ABR: variants seen among roughly 807,000 people sequenced by gnomAD.
ABR encodes active breakpoint cluster region-related protein.
Under a neutral mutation model 107.2 loss-of-function variants are expected in ABR, and 35 were observed. The observed-to-expected ratio is 0.33, with a 90% CI of 0.25 to 0.43. ABR has a LOEUF of 0.43. Among genes scored for constraint, ABR ranks in the 20% least tolerant of loss-of-function variants. ABR has a pLI of 1.00. For synonymous variants in ABR, 498 were observed against 462.0 expected, an observed-to-expected ratio of 1.08 and a Z score of -1.00; for missense variants, 815 against 1,115.2, an observed-to-expected ratio of 0.73 and a Z score of 3.83.
At chr17:1,208,821 G>A (rs2150735798) in intron 1 of ABR, among the ~76,000 whole-genome samples, 1 of 151,178 alleles carries the variant, frequency 6.6e-6, no homozygotes, top group East Asian at 1.9e-4. Context: ...CCGGGAGGTG[G>A]AGCTTGCAGT....
intron 1 of ABR, among the ~76,000 whole-genome samples, chr17:1,225,884 C>T (rs1413789283): frequency 3.3e-5 from 5 of 152,216 alleles, no homozygotes; most frequent in Admixed American, 1.3e-4. Context: ...CAATGTCACA[C>T]AGGCAGTCTA....
At chr17:1,025,514 C>T (rs2072122939) in intron 16 of ABR, among the ~76,000 whole-genome samples, 2 of 152,182 alleles carry the variant, frequency 1.3e-5, no homozygotes, top group Non-Finnish European at 2.9e-5. Context: ...AACCGCAGGG[C>T]CCCACGTCGC....
chr17:1,012,113 G>T, intron 18 of ABR, 128 bp from the exon 19 acceptor site: 1 of 1,485,674 alleles, frequency 6.7e-7, no homozygotes, highest in Non-Finnish European at 9.2e-7. Flanking sequence ...GGCGGGGGCA[G>T]GGGCAGGGCA....
At chr17:1,219,167 C>T (rs111301995) in intron 1 of ABR, among the ~76,000 whole-genome samples, 7 of 151,942 alleles carry the variant, frequency 4.6e-5, no homozygotes, top group Admixed American at 3.9e-4. Flanking sequence ...CTCAGCCTCT[C>T]GAGTAGCTGG....
In ABR at chr17:1,210,318, C is replaced by G. The variant is rs2050740411; in HGVS notation, c.838+18475G>C. Among the ~76,000 whole-genome samples the G allele has an allele frequency of 6.6e-6, 1 of 152,254 alleles. No homozygotes were observed. Among genetic ancestry groups the G allele is most frequent in the African/African-American group, 2.4e-5 (1 of 41,466 alleles). On this transcript the variant is annotated intron_variant, in intron 1 of 22. Transcript: ENST00000574139. The surrounding 1 kb of genome is among the most constrained non-coding windows in gnomAD (Gnocchi z 5.6). ...CTGAGGTCAAGAGTTCAAGACCAGC[C>G]TGGCCAACATGGTGAAACCCCATCT...
intron 4 of ABR, among the ~76,000 whole-genome samples, chr17:1,090,328 G>T (rs951601413): frequency 6.6e-6 from 1 of 152,100 alleles, no homozygotes; most frequent in Non-Finnish European, 1.5e-5. Context: ...ACCTTCATCC[G>T]AGGGCCGTGG....
At chr17:1,091,887 G>A (rs1425729407) in intron 3 of ABR, 37 bp from the exon 4 acceptor site, 1 of 1,587,424 alleles carries the variant, frequency 6.3e-7, no homozygotes, top group Non-Finnish European at 8.6e-7. Flanking sequence ...AGAGGTCGGG[G>A]GTAAACAAAC....
chr17:1,083,642 C>G lies in ABR; in HGVS notation c.532-15G>C. On this transcript the variant is annotated splice_polypyrimidine_tract_variant and intron_variant, in intron 4 of 22. Transcript: ENST00000302538. ...AGCTGGCTGGCCTGCAGGGAGGAGT[C>G]AGGGAACAGAGGGAGAGGAGGGTGG... is the stretch of plus-strand genomic sequence containing the variant. The G allele has an allele frequency of 6.3e-7, 1 of 1,597,020 alleles. No individual in the cohort carries two copies. Among genetic ancestry groups the G allele is most frequent in the Non-Finnish European group, 8.6e-7 (1 of 1,164,956 alleles).
chr17:1,113,624 C>T (rs1404830443), intron 2 of ABR, among the ~76,000 whole-genome samples: 1 of 152,156 alleles, frequency 6.6e-6, no homozygotes, highest in African/African-American at 2.4e-5. Flanking sequence ...AACGTCACCT[C>T]CTCCAGGGAG....
intron 1 of ABR, among the ~76,000 whole-genome samples, chr17:1,223,007 G>A (rs983007481): frequency 6.6e-6 from 1 of 152,016 alleles, no homozygotes; most frequent in Non-Finnish European, 1.5e-5. Context: ...TTCAAGACCA[G>A]CCTGGACAAC....
chr17:1,097,357 G>A (rs1161123998), intron 3 of ABR, among the ~76,000 whole-genome samples: 2 of 152,120 alleles, frequency 1.3e-5, no homozygotes, highest in Non-Finnish European at 2.9e-5. Flanking sequence ...TTGGGAGGCC[G>A]AGGCGGGCGG....
rs2040760960 is a variant in ABR at position 1,150,782 on chromosome 17, G to C, written c.62-25415C>G. Among the ~76,000 whole-genome samples, 4 of 152,168 alleles carry C rather than the reference G, an allele frequency of 2.6e-5. No homozygotes were observed. Among genetic ancestry groups the C allele is most frequent in the Non-Finnish European group, 5.9e-5 (4 of 68,026 alleles). ...GGAGGGACGAAGGGAGGAGCATCAC[G>C]CACACAGACGCCGGACTCCCTAGGT... On this transcript the variant is annotated intron_variant, in intron 1 of 22. Coordinates refer to ENST00000302538, the MANE Select transcript of ABR (RefSeq NM_021962.5). The surrounding 1 kb of genome is among the most constrained non-coding windows in gnomAD (Gnocchi z 4.8).
At chr17:1,160,849 G>C (rs1175526704) in intron 1 of ABR, among the ~76,000 whole-genome samples, 1 of 152,208 alleles carries the variant, frequency 6.6e-6, no homozygotes, top group African/African-American at 2.4e-5. Flanking sequence ...CAGAGGCCAC[G>C]CTCCACAAAG....
intron 16 of ABR, among the ~76,000 whole-genome samples, chr17:1,040,598 T>G (rs1361751724): frequency 6.6e-6 from 1 of 152,084 alleles, no homozygotes; most frequent in African/African-American, 2.4e-5. Context: ...GGGGACCACT[T>G]ATAGGTGACA....
chr17:1,083,473 C>T, intron 5 of ABR, 47 bp downstream of exon 5: 7 of 1,457,344 alleles, frequency 4.8e-6, no homozygotes, highest in Non-Finnish European at 6.6e-6. Context: ...CTGAGCAGCC[C>T]CCAAAGCTCC....
At position 1,050,640 on chromosome 17, in the gene ABR, G is replaced by A. The variant is rs2032368073; in HGVS notation, c.1562-6C>T. On this transcript the variant is annotated splice_polypyrimidine_tract_variant and splice_region_variant and intron_variant, in intron 14 of 22. Transcript: ENST00000302538. This position sits in a 1 kb window ranked among gnomAD's most constrained non-coding sequence, Gnocchi z 4.6. Reference sequence around the variant, plus strand: ...CTCCAGGGTACAGTACAGGTCTGTGGGGGAAGGACAGACGGAGATACTGAG... The same window carrying A: ...CTCCAGGGTACAGTACAGGTCTGTGAGGGAAGGACAGACGGAGATACTGAG... The A allele has an allele frequency of 1.2e-6, 2 of 1,612,448 alleles. No homozygotes were observed. The highest frequency in any genetic ancestry group is 2.2e-5 in the South Asian group (2 of 91,062).
chr17:1,087,875 A>G (rs999289756), intron 4 of ABR, among the ~76,000 whole-genome samples: 7 of 152,164 alleles, frequency 4.6e-5, no homozygotes, highest in Admixed American at 1.3e-4. Flanking sequence ...TGCCGCTGCC[A>G]CAGTCACCCC....
chr17:1,065,957 C>G (rs1160099587), intron 10 of ABR, among the ~76,000 whole-genome samples: 1 of 152,130 alleles, frequency 6.6e-6, no homozygotes, highest in Non-Finnish European at 1.5e-5. Context: ...GTTGGCCAGG[C>G]TGGTCTCAAA....
rs765959248 is a variant in ABR at position 1,067,240 on chromosome 17, T to C, written c.1019A>G (p.Lys340Arg). 14 of 1,582,816 alleles carry C rather than the reference T, an allele frequency of 8.8e-6. No homozygotes were observed. Among genetic ancestry groups the C allele is most frequent in the Non-Finnish European group, 1.2e-5 (14 of 1,166,108 alleles). Reference sequence around the variant, plus strand: ...CCACTTACAGTCATACTGCTGGTGCTTCCTGCAAACGAGCCAGAGGGAGCC... The same window carrying C: ...CCACTTACAGTCATACTGCTGGTGCCTCCTGCAAACGAGCCAGAGGGAGCC... ...CAKLKKTSAG[K>R]HQQYDCKWYI... The change falls in exon 10 of 23, where the codon AAG becomes AGG. Residue 340 changes from lysine to arginine, a missense_variant and splice_region_variant. Physicochemically the swap from Lys to Arg is conservative, Grantham distance 26. This residue lies in a region of ABR where 385 missense variants were observed against 596.9 expected (regional missense o/e 0.64). Coordinates refer to ENST00000302538, the MANE Select transcript of ABR (RefSeq NM_021962.5).
Sources: allele counts gnomAD v4.1 joint callset (sites outside exome capture counted in the v4.1 genomes callset), GRCh38; gene constraint gnomAD v4.1.1; regional missense constraint gnomAD v4.1.1; non-coding constraint Gnocchi (gnomAD v3.1); transcripts MANE v1.5; gene names NCBI Gene and HGNC (gene_info 2026-07-23, HGNC 2026-07-21).